The following FOXP1 variants were observed in gnomAD, a reference collection of about 807,000 sequenced individuals.
The protein encoded by FOXP1 is forkhead box P1, also known as forkhead box protein P1.
Under a neutral mutation model 98.2 loss-of-function variants are expected in FOXP1, and 15 were observed. The ratio of observed to expected loss-of-function variants is 0.15; its 90% CI spans 0.10 to 0.24. The LOEUF (loss-of-function observed/expected upper bound fraction) is 0.24. FOXP1 is among the 10% of genes least tolerant of loss of function. The probability of loss-of-function intolerance (pLI) is 1.00; values close to 1 mark genes in which losing one functional copy is unlikely to be tolerated. For missense variants in FOXP1, 633 were observed against 848.5 expected, an observed-to-expected ratio of 0.75 and a Z score of 3.15; for synonymous variants, 371 against 314.5, an observed-to-expected ratio of 1.18 and a Z score of -1.90.
Position 71,420,814 on chromosome 3 carries a change from C to A in FOXP1, c.-167-61570G>T, listed in dbSNP as rs916220123. 2.0e-5 allele frequency among the ~76,000 whole-genome samples: 3 copies of A among 151,884 alleles called. No individual in the cohort carries two copies. The South Asian group carries it at 6.2e-4, about 32-fold the overall frequency. On this transcript the variant is annotated intron_variant, in intron 3 of 20. Coordinates refer to ENST00000649528, the MANE Select transcript of FOXP1 (RefSeq NM_001349338.3). Reference sequence around the variant, plus strand: ...CTTGAACTCCTGGGCTCAAGCAATTCTCTCACCTAAGCCTCCTTAGTACCT... The same window carrying A: ...CTTGAACTCCTGGGCTCAAGCAATTATCTCACCTAAGCCTCCTTAGTACCT...
intron 11 of FOXP1, among the ~76,000 whole-genome samples, chr3:71,017,213 T>C (rs186206066): frequency 6.6e-6 from 1 of 152,212 alleles, no homozygotes; most frequent in African/African-American, 2.4e-5. Context: ...ACTACCTATT[T>C]GTGTTCATCT....
intron 2 of FOXP1, among the ~76,000 whole-genome samples, chr3:71,544,008 T>C (rs1449836780): frequency 2.5e-5 from 2 of 79,840 alleles, no homozygotes; most frequent in Admixed American, 2.5e-4. Flanking sequence ...CACATGTATG[T>C]GTGTATACAC....
intron 2 of FOXP1, chr3:71,572,293 C>A (rs2047396738): frequency 6.6e-6 from 1 of 152,000 alleles, no homozygotes; most frequent in South Asian, 2.1e-4. Context: ...AAAGTTTTTT[C>A]CCCCAAAACA....
At chr3:71,440,144 T>C (rs2085786347) in intron 3 of FOXP1, among the ~76,000 whole-genome samples, 3 of 152,120 alleles carry the variant, frequency 2.0e-5, no homozygotes, top group Non-Finnish European at 1.5e-5. Context: ...GGAGTTTCAG[T>C]TATGCAAGAT....
chr3:71,327,581 G>C (rs1384723215), intron 4 of FOXP1, among the ~76,000 whole-genome samples: 4 of 151,312 alleles, frequency 2.6e-5, no homozygotes, highest in African/African-American at 9.7e-5. Flanking sequence ...TAGAGATGGG[G>C]TTTCACCGTG....
chr3:71,450,011 G>T (rs867253730), intron 3 of FOXP1, among the ~76,000 whole-genome samples: 13 of 152,086 alleles, frequency 8.5e-5, no homozygotes, highest in Non-Finnish European at 1.9e-4. Flanking sequence ...AGGAAAAGGG[G>T]CTTTATAAAC....
intron 6 of FOXP1, among the ~76,000 whole-genome samples, chr3:71,182,670 C>G (rs1007549919): frequency 6.6e-6 from 1 of 151,644 alleles, no homozygotes; most frequent in Non-Finnish European, 1.5e-5. Flanking sequence ...GCTGGGACTA[C>G]AGGCAAGTGC....
At chr3:71,462,760 C>A (rs922575348) in intron 3 of FOXP1, among the ~76,000 whole-genome samples, 1 of 152,158 alleles carries the variant, frequency 6.6e-6, no homozygotes, top group Admixed American at 6.5e-5. Context: ...AACCAGCCAC[C>A]GCCTTCAACA....
intron 10 of FOXP1, among the ~76,000 whole-genome samples, chr3:71,046,614 C>T (rs2049066232): frequency 6.6e-6 from 1 of 152,072 alleles, no homozygotes; most frequent in Non-Finnish European, 1.5e-5. Context: ...AGGAAAATTC[C>T]TTTGTGGTTC....
At chr3:71,383,943 C>G (rs831083) in intron 3 of FOXP1, among the ~76,000 whole-genome samples, 1 of 151,994 alleles carries the variant, frequency 6.6e-6, no homozygotes, top group Non-Finnish European at 1.5e-5. Context: ...GGCTGGCGGG[C>G]GCGGTGGCTC....
chr3:71,230,118 GA>G (rs1381844461), intron 5 of FOXP1, among the ~76,000 whole-genome samples: 33 of 150,216 alleles, frequency 2.2e-4, no homozygotes, highest in African/African-American at 7.6e-4. Context: ...CACCACTGGG[GA>G]GGGGTGGGTG....
In FOXP1 at chr3:70,977,778, C is replaced by T. The variant is rs747709273; in HGVS notation, c.1348+50G>A. 9 of 1,610,848 alleles carry T rather than the reference C, an allele frequency of 5.6e-6. No homozygotes were observed. The Admixed American group carries it at 6.7e-5, about 12-fold the overall frequency. ...CACTTTTTCAAAAGGGGCTGGTCTA[C>T]AAGAATTGCAGATTACAACTCTACG... On this transcript the variant is annotated intron_variant, in intron 15 of 20. Transcript: ENST00000649528.
rs960493374 is a variant in FOXP1, at chr3:71,381,618, A to G, written c.-167-22374T>C. 7.9e-5 allele frequency among the ~76,000 whole-genome samples: 12 copies of G among 151,412 alleles called. No homozygotes were observed. The South Asian group carries it at 1.5e-3, about 18-fold the overall frequency. On this transcript the variant is annotated intron_variant, in intron 3 of 20. Transcript: ENST00000649528. ...AACACCGCTCTCAGCTAATTTTTCTATTTTTTGTAGAGACGGAGTCTCTCT... is the reference window on the plus strand; with the variant it reads ...AACACCGCTCTCAGCTAATTTTTCTGTTTTTTGTAGAGACGGAGTCTCTCT...
chr3:71,282,597 T>G (rs1482674331), intron 5 of FOXP1, among the ~76,000 whole-genome samples: 1 of 151,408 alleles, frequency 6.6e-6, no homozygotes, highest in Non-Finnish European at 1.5e-5. Context: ...GGTACTAGTT[T>G]AGTATCTATT....
chr3:71,191,379 T>C (rs2062971198), intron 6 of FOXP1, among the ~76,000 whole-genome samples: 1 of 152,196 alleles, frequency 6.6e-6, no homozygotes, highest in Non-Finnish European at 1.5e-5. Context: ...TTTTATTAGC[T>C]CACCGGTCAG....
At chr3:71,031,516 T>G (rs1260674492) in intron 11 of FOXP1, among the ~76,000 whole-genome samples, 15 of 152,212 alleles carry the variant, frequency 9.9e-5, no homozygotes, top group Admixed American at 9.8e-4. Flanking sequence ...AAAAAGTCCC[T>G]ATTTTTCACC....
intron 5 of FOXP1, among the ~76,000 whole-genome samples, chr3:71,232,619 C>G (rs1272434982): frequency 6.6e-6 from 1 of 151,894 alleles, no homozygotes; most frequent in African/African-American, 2.4e-5. Context: ...AGGGTCAGGG[C>G]TGGGTGTGGT....
chr3:71,168,844 T>C (rs2061508389), intron 6 of FOXP1, among the ~76,000 whole-genome samples: 1 of 152,206 alleles, frequency 6.6e-6, no homozygotes, highest in African/African-American at 2.4e-5. Context: ...GGCCTAGATT[T>C]TTCTTTTTTT....
rs150144109 is a variant in FOXP1 at position 71,178,748 on chromosome 3, G to C, written c.180+19454C>G. ...AATACAAAAAAATTAGCCAGGCAAG[G>C]TGGCAGGCGCCTGTAGTCCCAGCTA... On this transcript the variant is annotated intron_variant, in intron 6 of 20. Coordinates refer to ENST00000649528, the MANE Select transcript of FOXP1 (RefSeq NM_001349338.3). Among the ~76,000 whole-genome samples, 1,125 of 152,016 alleles carry C rather than the reference G, an allele frequency of 7.4e-3. 16 individuals carry two copies. The highest frequency in any genetic ancestry group is 0.026 in the African/African-American group (1,068 of 41,492).
Sources: gnomAD v4.1 joint callset for allele counts (sites outside exome capture counted in the v4.1 genomes callset) on GRCh38, gnomAD v4.1.1 for gene constraint, MANE v1.5 for transcripts, NCBI Gene and HGNC (gene_info 2026-07-23, HGNC 2026-07-21) for gene names.